USP13: variants seen among roughly 807,000 people sequenced by gnomAD.
USP13 encodes the protein ubiquitin carboxyl-terminal hydrolase 13.
Under a neutral mutation model 107.8 loss-of-function variants are expected in USP13, and 68 were observed. That is an observed-to-expected ratio of 0.63 (90% CI 0.52 to 0.77). The LOEUF (loss-of-function observed/expected upper bound fraction) is 0.77, where lower values mean the gene tolerates loss of function less well. USP13 is among the 30% of genes least tolerant of loss of function. The probability of loss-of-function intolerance (pLI) is 0.00; values close to 1 mark genes in which losing one functional copy is unlikely to be tolerated. For synonymous variants in USP13, 377 were observed against 389.5 expected (o/e 0.97, Z 0.38); for missense variants, 945 against 1,093.3 (o/e 0.86, Z 1.91).
intron 2 of USP13, among the ~76,000 whole-genome samples, chr3:179,684,557 A>T (rs1300283886): frequency 6.7e-6 from 1 of 150,228 alleles, no homozygotes; most frequent in Non-Finnish European, 1.5e-5. Context: ...TCCTGAGCCT[A>T]AGCAATCCAC....
chr3:179,668,169 T>C (rs928199143), intron 1 of USP13, among the ~76,000 whole-genome samples: 7 of 152,172 alleles, frequency 4.6e-5, no homozygotes, highest in Non-Finnish European at 1.5e-5. Context: ...CATTTATTTA[T>C]TTATATTTTT....
chr3:179,750,438 T>C (rs1714572756), intron 13 of USP13, among the ~76,000 whole-genome samples: 1 of 151,162 alleles, frequency 6.6e-6, no homozygotes, highest in African/African-American at 2.4e-5. Flanking sequence ...GTATTACTGC[T>C]TCTCAGAAGA....
In USP13 at chr3:179,726,385, G is replaced by T. The variant is rs745950349; in HGVS notation, c.1089-3804G>T. On this transcript the variant is annotated intron_variant, in intron 8 of 20. Coordinates refer to ENST00000263966, the MANE Select transcript of USP13 (RefSeq NM_003940.3). Reference sequence around the variant, plus strand: ...GGCTGGAGAAAGGGATCTGCTTTTGGATTCTTCTTCCTAGAGCTTTCAGGC... The same window carrying T: ...GGCTGGAGAAAGGGATCTGCTTTTGTATTCTTCTTCCTAGAGCTTTCAGGC... Among the ~76,000 whole-genome samples the T allele has an allele frequency of 2.6e-5, 4 of 152,214 alleles. No individual in the cohort carries two copies. The East Asian group carries it at 5.8e-4, about 22-fold the overall frequency.
chr3:179,682,793 C>T (rs1360607719), intron 2 of USP13, among the ~76,000 whole-genome samples: 2 of 152,048 alleles, frequency 1.3e-5, no homozygotes, highest in Non-Finnish European at 2.9e-5. Context: ...TACACTTCAC[C>T]TGGGGGTACA....
chr3:179,732,797 G>A (rs1234074938), intron 10 of USP13, among the ~76,000 whole-genome samples: 1 of 152,210 alleles, frequency 6.6e-6, no homozygotes, highest in African/African-American at 2.4e-5. Context: ...CAGTCTACAA[G>A]TAGTATCTGT....
chr3:179,743,308 C>T (rs886093528), intron 12 of USP13, among the ~76,000 whole-genome samples: 5 of 151,814 alleles, frequency 3.3e-5, no homozygotes, highest in African/African-American at 7.3e-5. Flanking sequence ...TGCAGCAAAC[C>T]GCCACGGCAC....
At chr3:179,657,678 C>T (rs146516253) in intron 1 of USP13, among the ~76,000 whole-genome samples, 2,291 of 140,128 alleles carry the variant, frequency 0.016, 60 homozygotes, top group African/African-American at 0.057. Context: ...GCAGGAGAAT[C>T]GCTTGAACCT....
intron 15 of USP13, 28 bp downstream of exon 15, chr3:179,754,882 G>A (rs769436855): frequency 2.3e-5 from 36 of 1,597,758 alleles, no homozygotes; most frequent in African/African-American, 4.1e-5. Flanking sequence ...GAGAATATGC[G>A]CTACCCTCCC....
intron 3 of USP13, among the ~76,000 whole-genome samples, chr3:179,700,340 G>A (rs1466842374): frequency 6.6e-6 from 1 of 152,054 alleles, no homozygotes; most frequent in Non-Finnish European, 1.5e-5. Context: ...AGAGCAAGAG[G>A]GAGATTTTGT....
intron 2 of USP13, among the ~76,000 whole-genome samples, chr3:179,688,004 C>T (rs1022705948): frequency 1.3e-5 from 2 of 152,078 alleles, no homozygotes; most frequent in African/African-American, 4.8e-5. Context: ...TTTGTGTATG[C>T]TGTTTTCTCT....
chr3:179,751,660 G>T (rs1451844730), intron 13 of USP13, among the ~76,000 whole-genome samples: 1 of 152,082 alleles, frequency 6.6e-6, no homozygotes, highest in African/African-American at 2.4e-5. Flanking sequence ...TGGTTGAAAA[G>T]CACTTTTCAG....
At chr3:179,736,194 T>G (rs1293444677) in intron 10 of USP13, among the ~76,000 whole-genome samples, 1 of 152,188 alleles carries the variant, frequency 6.6e-6, no homozygotes, top group Non-Finnish European at 1.5e-5. Flanking sequence ...AACTATTGAT[T>G]TGTTGAAGGA....
chr3:179,783,771 A>C (rs541467403), intron 20 of USP13, among the ~76,000 whole-genome samples: 76 of 152,184 alleles, frequency 5.0e-4, no homozygotes, highest in South Asian at 1.2e-3. Flanking sequence ...CAGAGGCTGA[A>C]GCGAGAGGAT....
chr3:179,718,882 G>A (rs1460504147), intron 6 of USP13, among the ~76,000 whole-genome samples: 3 of 150,272 alleles, frequency 2.0e-5, no homozygotes, highest in Admixed American at 6.6e-5. Context: ...TCAGCCTCCC[G>A]AGTAGCTGGG....
chr3:179,733,131 A>T (rs1377870956), intron 10 of USP13, among the ~76,000 whole-genome samples: 1 of 151,856 alleles, frequency 6.6e-6, no homozygotes, highest in Non-Finnish European at 1.5e-5. Context: ...CCTGACTGGG[A>T]CTCTGGGTAT....
chr3:179,706,971 C>G lies in USP13; in HGVS notation c.515C>G (p.Ser172Cys). 2 of 1,614,090 alleles carry G rather than the reference C, an allele frequency of 1.2e-6. No individual in the cohort carries two copies. Among genetic ancestry groups the G allele is most frequent in the Non-Finnish European group, 1.7e-6 (2 of 1,180,018 alleles). ...TGTGATGCAGTTCTCAGCTCAAAAT[C>G]TCCATACAGAAAGCAGGACCCAGAC... ...IACDAVLSSK[S>C]PYRKQDPDTW... Residue 172 changes from serine (S) to cysteine (C), a missense_variant, in exon 5 of 21, where the codon TCT (serine) becomes TGT (cysteine). Ser to Cys is a moderately radical substitution (Grantham distance 112, BLOSUM62 -1). Transcript: ENST00000263966.
intron 2 of USP13, among the ~76,000 whole-genome samples, 171 bp downstream of exon 2, chr3:179,682,174 T>C (rs1225166480): frequency 6.6e-6 from 1 of 151,684 alleles, no homozygotes; most frequent in African/African-American, 2.4e-5. Flanking sequence ...CCAAACCTTA[T>C]CGTAACCAGT....
chr3:179,784,199 A>T lies in USP13; in HGVS notation c.*58A>T. 1 of 1,332,438 alleles carries T rather than the reference A, an allele frequency of 7.5e-7. No individual in the cohort carries two copies. Among genetic ancestry groups the T allele is most frequent in the Non-Finnish European group, 1.1e-6 (1 of 950,700 alleles). 82.5% of individuals were successfully genotyped at this position (1,332,438 alleles called of 1,614,324 possible). ...ATACGCCTTTTTAATTTGCCAAAAA[A>T]AAAAAGAAGAAGAAGAAGTTGAAAC... is the stretch of plus-strand genomic sequence containing the variant. On this transcript the variant is annotated 3_prime_UTR_variant, in exon 21 of 21. Coordinates refer to ENST00000263966, the MANE Select transcript of USP13 (RefSeq NM_003940.3).
intron 3 of USP13, among the ~76,000 whole-genome samples, chr3:179,690,633 C>T (rs369851613): frequency 1.6e-4 from 25 of 152,194 alleles, no homozygotes; most frequent in Non-Finnish European, 3.2e-4. Context: ...AATGCAGTGG[C>T]GCCATCTTGG....
Sources: allele counts gnomAD v4.1 joint callset (sites outside exome capture counted in the v4.1 genomes callset), GRCh38; gene constraint gnomAD v4.1.1; transcripts MANE v1.5; gene names NCBI Gene and HGNC (gene_info 2026-07-23, HGNC 2026-07-21).